L3MBTL4: variants seen among roughly 807,000 people sequenced by gnomAD.
L3MBTL4 encodes L3MBTL histone methyl-lysine binding protein 4, also known as lethal(3)malignant brain tumor-like protein 4.
L3MBTL4 carries 70 observed loss-of-function variants against 84.5 expected under a neutral mutation model. That is an observed-to-expected ratio of 0.83 (90% confidence interval 0.68 to 1.01). L3MBTL4 has a LOEUF of 1.01. L3MBTL4 is among the 50% of genes least tolerant of loss of function. The pLI is 0.00. For missense variants in L3MBTL4, 715 were observed against 754.8 expected (o/e 0.95, Z 0.62); for synonymous variants, 274 against 259.8 (o/e 1.05, Z -0.52).
chr18:6,381,218 T>G (rs749385337), intron 1 of L3MBTL4, among the ~76,000 whole-genome samples: 109 of 152,242 alleles, frequency 7.2e-4, no homozygotes, highest in Non-Finnish European at 1.4e-3. Context: ...TTGGAGCCTA[T>G]GTGTGTCTTT....
intron 5 of L3MBTL4, among the ~76,000 whole-genome samples, chr18:6,247,483 T>TTTTTTTTTTTTTTTTTTTTTTTTC (rs2047723191): frequency 7.4e-6 from 1 of 135,640 alleles, no homozygotes; most frequent in African/African-American, 2.9e-5. Context: ...TTTTTTTTTT[T>TTTTTTTTTTTTTTTTTTTTTTTTC]TTTTTTTTTT....
chr18:6,231,098 A>C (rs908739818), intron 10 of L3MBTL4, among the ~76,000 whole-genome samples: 2 of 151,940 alleles, frequency 1.3e-5, no homozygotes, highest in African/African-American at 4.8e-5. Context: ...CCCATTTGTC[A>C]ATTTTTGGTT....
intron 15 of L3MBTL4, among the ~76,000 whole-genome samples, chr18:6,087,200 C>T (rs929882635): frequency 2.6e-5 from 4 of 152,144 alleles, no homozygotes; most frequent in African/African-American, 9.7e-5. Context: ...GCTATGGTCA[C>T]GGTGCTGAAT....
intron 4 of L3MBTL4, among the ~76,000 whole-genome samples, chr18:6,280,444 G>A (rs953153667): frequency 2.0e-5 from 3 of 152,150 alleles, no homozygotes; most frequent in African/African-American, 7.2e-5. Context: ...TAGACCTAAT[G>A]ACTGAAAGCC....
At chr18:6,303,735 C>G (rs1355120936) in intron 3 of L3MBTL4, among the ~76,000 whole-genome samples, 6 of 152,018 alleles carry the variant, frequency 3.9e-5, no homozygotes, top group Admixed American at 3.3e-4. Flanking sequence ...CTTTGACAAC[C>G]ATAAAAACCA....
At chr18:6,173,140 C>T (rs2044057160) in intron 12 of L3MBTL4, among the ~76,000 whole-genome samples, 1 of 152,152 alleles carries the variant, frequency 6.6e-6, no homozygotes, top group South Asian at 2.1e-4. Context: ...AGTCTGAGAA[C>T]CAGAGATTAC....
intron 14 of L3MBTL4, among the ~76,000 whole-genome samples, chr18:6,097,104 T>C (rs2058665802): frequency 6.6e-6 from 1 of 152,186 alleles, no homozygotes; most frequent in South Asian, 2.1e-4. Flanking sequence ...GACAGTTGAG[T>C]ATCAGAAATT....
chr18:6,387,102 C>A (rs547620422), intron 1 of L3MBTL4, among the ~76,000 whole-genome samples: 1 of 152,236 alleles, frequency 6.6e-6, no homozygotes, highest in East Asian at 1.9e-4. Context: ...AGAAATGACT[C>A]CCAGGTTTTT....
At chr18:6,248,194 T>C (rs1475930355) in intron 5 of L3MBTL4, among the ~76,000 whole-genome samples, 1 of 152,190 alleles carries the variant, frequency 6.6e-6, no homozygotes, top group Non-Finnish European at 1.5e-5. Context: ...ATTTACTCAT[T>C]TAACAAATCC....
intron 1 of L3MBTL4, among the ~76,000 whole-genome samples, chr18:6,315,461 C>T (rs923080345): frequency 6.6e-6 from 1 of 152,168 alleles, no homozygotes; most frequent in African/African-American, 2.4e-5. Context: ...CAGTCCTCTA[C>T]GTATACACTT....
At chr18:6,190,423 C>G (rs1011610494) in intron 12 of L3MBTL4, among the ~76,000 whole-genome samples, 1 of 152,088 alleles carries the variant, frequency 6.6e-6, no homozygotes, top group Non-Finnish European at 1.5e-5. Context: ...TGTAACTATA[C>G]GTAAATTATC....
intron 14 of L3MBTL4, among the ~76,000 whole-genome samples, chr18:6,109,022 T>A (rs2144044317): frequency 6.6e-6 from 1 of 152,260 alleles, no homozygotes; most frequent in Admixed American, 6.5e-5. Flanking sequence ...TACCAAGGAA[T>A]GGCTGAATTG....
intron 10 of L3MBTL4, among the ~76,000 whole-genome samples, chr18:6,234,094 G>A (rs958490539): frequency 1.1e-4 from 16 of 152,146 alleles, no homozygotes; most frequent in African/African-American, 3.6e-4. Context: ...AAATGGTGCT[G>A]GGAAAACTGG....
At chr18:6,113,834 G>C (rs2059271525) in intron 14 of L3MBTL4, among the ~76,000 whole-genome samples, 1 of 152,096 alleles carries the variant, frequency 6.6e-6, no homozygotes, top group Non-Finnish European at 1.5e-5. Flanking sequence ...AATGAAACAA[G>C]GTGTTTTAAG....
At chr18:6,099,164 C>A (rs1351910830) in intron 14 of L3MBTL4, among the ~76,000 whole-genome samples, 1 of 152,142 alleles carries the variant, frequency 6.6e-6, no homozygotes, top group Admixed American at 6.5e-5. Flanking sequence ...CACGCTGTTT[C>A]CCTCCCTGCC....
intron 12 of L3MBTL4, among the ~76,000 whole-genome samples, chr18:6,202,758 G>A (rs760495308): frequency 5.9e-5 from 9 of 152,158 alleles, no homozygotes; most frequent in Non-Finnish European, 1.0e-4. Flanking sequence ...TTACTAAGCT[G>A]AGGATGCCTA....
chr18:6,136,384 A>G (rs2060029500), intron 14 of L3MBTL4, among the ~76,000 whole-genome samples: 1 of 152,284 alleles, frequency 6.6e-6, no homozygotes, highest in East Asian at 1.9e-4. Flanking sequence ...GAACTAAACG[A>G]AAAGAAAACC....
At chr18:6,281,964 G>A (rs1290681394) in intron 4 of L3MBTL4, among the ~76,000 whole-genome samples, 1 of 152,160 alleles carries the variant, frequency 6.6e-6, no homozygotes, top group Non-Finnish European at 1.5e-5. Flanking sequence ...GATTCATTCT[G>A]GGTTATCTAT....
At chr18:6,084,836 G>A (rs1268903086) in intron 15 of L3MBTL4, among the ~76,000 whole-genome samples, 3 of 152,174 alleles carry the variant, frequency 2.0e-5, no homozygotes, top group African/African-American at 4.8e-5. Context: ...AGTTTGAACT[G>A]GGCCTCAATA....
Sources: gnomAD v4.1 joint callset for allele counts (sites outside exome capture counted in the v4.1 genomes callset) on GRCh38, gnomAD v4.1.1 for gene constraint, MANE v1.5 for transcripts, NCBI Gene and HGNC (gene_info 2026-07-23, HGNC 2026-07-21) for gene names.